The following FBXL17 variants were observed in gnomAD, a reference collection of about 807,000 sequenced individuals.
FBXL17 encodes F-box/LRR-repeat protein 17.
A neutral mutation model predicts 66.2 loss-of-function variants in FBXL17; 22 were observed. That is an observed-to-expected ratio of 0.33 (90% CI 0.24 to 0.47). The LOEUF is 0.47. FBXL17 is among the 20% of genes least tolerant of loss of function. The probability of loss-of-function intolerance (pLI) is 1.00; values close to 1 mark genes in which losing one functional copy is unlikely to be tolerated. For missense variants in FBXL17, 878 were observed against 948.2 expected (o/e 0.93, Z 0.97); for synonymous variants, 474 against 400.5 (o/e 1.18, Z -2.19).
intron 6 of FBXL17, among the ~76,000 whole-genome samples, chr5:108,141,847 C>T (rs1404917883): frequency 6.6e-6 from 1 of 152,226 alleles, no homozygotes; most frequent in Admixed American, 6.5e-5. Flanking sequence ...CCCCCTTATC[C>T]TTCAAGCTTC....
intron 4 of FBXL17, among the ~76,000 whole-genome samples, chr5:108,290,491 C>G (rs1313763832): frequency 1.3e-5 from 2 of 152,082 alleles, no homozygotes; most frequent in African/African-American, 4.8e-5. Context: ...TTTGGCTCTT[C>G]TTGCTATTCC....
chr5:107,939,316 C>T (rs1751015816), intron 7 of FBXL17, among the ~76,000 whole-genome samples: 1 of 152,084 alleles, frequency 6.6e-6, no homozygotes, highest in Admixed American at 6.6e-5. Context: ...TGATTTTGCA[C>T]ATCTGAGACT....
At chr5:108,165,719 G>T (rs1472066616) in intron 6 of FBXL17, among the ~76,000 whole-genome samples, 1 of 152,248 alleles carries the variant, frequency 6.6e-6, no homozygotes. Flanking sequence ...TGTCCTGCTC[G>T]GGAGTTCTTT....
intron 6 of FBXL17, among the ~76,000 whole-genome samples, chr5:108,178,318 G>A (rs1178730508): frequency 2.6e-5 from 4 of 152,100 alleles, no homozygotes; most frequent in Non-Finnish European, 5.9e-5. Context: ...AAAGTGCTGA[G>A]ATAAGAGGTG....
intron 6 of FBXL17, among the ~76,000 whole-genome samples, chr5:108,121,285 G>A (rs888126619): frequency 6.6e-6 from 1 of 152,008 alleles, no homozygotes; most frequent in African/African-American, 2.4e-5. Context: ...CAGAGATCAT[G>A]CCACTGCCCT....
intron 6 of FBXL17, among the ~76,000 whole-genome samples, chr5:108,038,350 A>G (rs1475423046): frequency 3.3e-5 from 5 of 152,280 alleles, no homozygotes; most frequent in Admixed American, 6.5e-5. Flanking sequence ...TGAAGCATTT[A>G]TACATGATAA....
chr5:108,355,303 T>TA (rs1027625535), intron 3 of FBXL17, among the ~76,000 whole-genome samples: 8 of 149,498 alleles, frequency 5.4e-5, no homozygotes, highest in Non-Finnish European at 1.0e-4. Flanking sequence ...TTTATTTATT[T>TA]ATTTTTGAGA....
intron 6 of FBXL17, among the ~76,000 whole-genome samples, chr5:108,033,689 C>T (rs1746729472): frequency 6.6e-6 from 1 of 152,160 alleles, no homozygotes; most frequent in Non-Finnish European, 1.5e-5. Flanking sequence ...GCCAAATCTT[C>T]TTCCAAAGCT....
intron 7 of FBXL17, among the ~76,000 whole-genome samples, chr5:107,994,140 T>A (rs777570299): frequency 6.5e-4 from 99 of 152,326 alleles, no homozygotes; most frequent in Non-Finnish European, 1.1e-3. Flanking sequence ...TATTGATTCA[T>A]AAAGCCAGAT....
rs533458380 is a variant in FBXL17 at position 107,942,818 on chromosome 5, T to TC, written c.1823-61640_1823-61639insG. On this transcript the variant is annotated intron_variant, in intron 7 of 8. Coordinates refer to ENST00000542267, the MANE Select transcript of FBXL17 (RefSeq NM_001163315.3). Reference sequence around the variant, plus strand: ...CCTATCTGATTTCTTCAACCATACTTTACCTAAGTGGAATTCTCCTTTCCC... The same window carrying TC: ...CCTATCTGATTTCTTCAACCATACTTCTACCTAAGTGGAATTCTCCTTTCCC... Among the ~76,000 whole-genome samples, 236 of 152,264 alleles carry TC rather than the reference T, an allele frequency of 1.5e-3. 2 individuals carry two copies. The highest frequency in any genetic ancestry group is 5.5e-3 in the African/African-American group (227 of 41,552).
chr5:108,021,517 A>G (rs1440851593), intron 6 of FBXL17, among the ~76,000 whole-genome samples: 2 of 151,640 alleles, frequency 1.3e-5, no homozygotes, highest in African/African-American at 2.4e-5. Flanking sequence ...AAATATACAC[A>G]CATAACTTTA....
intron 7 of FBXL17, among the ~76,000 whole-genome samples, chr5:107,901,178 G>A (rs1310818808): frequency 6.6e-6 from 1 of 151,996 alleles, no homozygotes; most frequent in Non-Finnish European, 1.5e-5. Flanking sequence ...CATTTATTTG[G>A]TATTGTGGAA....
Position 108,144,619 on chromosome 5 carries a change from CT to C in FBXL17, c.1745+41497del, listed in dbSNP as rs568671667. Among the ~76,000 whole-genome samples the C allele has an allele frequency of 4.2e-3, 645 of 152,276 alleles. 3 individuals are homozygous for C. Among genetic ancestry groups the C allele is most frequent in the African/African-American group, 0.015 (616 of 41,578 alleles). On this transcript the variant is annotated intron_variant, in intron 6 of 8. Transcript: ENST00000542267. ...ATAGTCAACTGCTGTAGGCAAAAAACTGTACCTAGTAATTCTCTACTGTCGA... is the reference window on the plus strand; with the variant it reads ...ATAGTCAACTGCTGTAGGCAAAAAACGTACCTAGTAATTCTCTACTGTCGA...
intron 5 of FBXL17, among the ~76,000 whole-genome samples, chr5:108,217,799 G>A (rs1714827832): frequency 1.3e-5 from 2 of 151,810 alleles, no homozygotes; most frequent in South Asian, 4.1e-4. Context: ...TCAGCATCTG[G>A]TAACCACCAT....
intron 4 of FBXL17, among the ~76,000 whole-genome samples, chr5:108,274,318 C>T (rs1001153860): frequency 4.6e-5 from 7 of 152,162 alleles, no homozygotes; most frequent in African/African-American, 7.2e-5. Flanking sequence ...CCCCCAGGTG[C>T]GCATTCTCTT....
chr5:107,946,910 C>A (rs968506160), intron 7 of FBXL17, among the ~76,000 whole-genome samples: 1 of 152,074 alleles, frequency 6.6e-6, no homozygotes, highest in African/African-American at 2.4e-5. Flanking sequence ...ACAGTGACAT[C>A]TGGAGGGTGA....
intron 8 of FBXL17, among the ~76,000 whole-genome samples, chr5:107,868,536 G>C (rs937453602): frequency 3.3e-5 from 5 of 152,204 alleles, no homozygotes; most frequent in Non-Finnish European, 5.9e-5. Flanking sequence ...CCAGAAAGGG[G>C]CACTGCTTCC....
At chr5:108,188,519 G>A (rs1220687160) in intron 5 of FBXL17, among the ~76,000 whole-genome samples, 9 of 152,090 alleles carry the variant, frequency 5.9e-5, no homozygotes, top group Non-Finnish European at 1.3e-4. Flanking sequence ...GCAAAGAAAT[G>A]GGTTCTTACA....
intron 6 of FBXL17, among the ~76,000 whole-genome samples, chr5:108,157,782 C>A (rs1308297008): frequency 6.6e-6 from 1 of 151,614 alleles, no homozygotes; most frequent in Non-Finnish European, 1.5e-5. Context: ...AAAATGTAAC[C>A]CAGTTTAGCT....
Sources: allele counts gnomAD v4.1 joint callset (sites outside exome capture counted in the v4.1 genomes callset), GRCh38; gene constraint gnomAD v4.1.1; transcripts MANE v1.5; gene names NCBI Gene and HGNC (gene_info 2026-07-23, HGNC 2026-07-21).